The following ARHGAP24 variants were observed in gnomAD, a reference collection of about 807,000 sequenced individuals.
The protein encoded by ARHGAP24 is Rho GTPase activating protein 24, also known as rho GTPase-activating protein 24.
A neutral mutation model predicts 76.4 loss-of-function variants in ARHGAP24; 50 were observed. That is an observed-to-expected ratio of 0.65 (90% CI 0.52 to 0.83). The LOEUF is 0.83. Ranked by LOEUF, ARHGAP24 falls within the 40% of genes least tolerant of loss-of-function variation. ARHGAP24 has a pLI of 0.00. For synonymous variants in ARHGAP24, 345 were observed against 323.3 expected (o/e 1.07, Z -0.72); for missense variants, 930 against 914.2 (o/e 1.02, Z -0.22).
At chr4:85,853,304 G>A (rs1470594021) in intron 3 of ARHGAP24, among the ~76,000 whole-genome samples, 2 of 152,206 alleles carry the variant, frequency 1.3e-5, no homozygotes, top group Non-Finnish European at 2.9e-5. Flanking sequence ...ATAATCTTCT[G>A]GTGTGCCATT....
Position 85,972,031 on chromosome 4 carries a change from C to G in ARHGAP24, c.600-5C>G. The G allele has an allele frequency of 1.2e-6, 2 of 1,613,858 alleles. No homozygotes were observed. The highest frequency in any genetic ancestry group is 1.7e-6 in the Non-Finnish European group (2 of 1,179,920). On this transcript the variant is annotated splice_polypyrimidine_tract_variant and splice_region_variant and intron_variant, in intron 5 of 9. Transcript: ENST00000395184. Reference sequence around the variant, plus strand: ...AAGAATATCTTCACACTTCTGTCTCCACAGCAACACAGATGTACACACGGT... The same window carrying G: ...AAGAATATCTTCACACTTCTGTCTCGACAGCAACACAGATGTACACACGGT...
intron 2 of ARHGAP24, among the ~76,000 whole-genome samples, chr4:85,650,663 T>G (rs4693728): frequency 6.7e-6 from 1 of 148,496 alleles, no homozygotes; most frequent in East Asian, 2.0e-4. Context: ...AGAATGCAAT[T>G]TGTGAATATA....
chr4:85,878,182 T>C lies in ARHGAP24; in HGVS notation c.269-45466T>C, dbSNP rs534860056. On this transcript the variant is annotated intron_variant, in intron 3 of 9. Coordinates refer to ENST00000395184, the MANE Select transcript of ARHGAP24 (RefSeq NM_001025616.3). ...TAGAAAAACAGAGAGTTAGATTAGA[T>C]AGATTAGTTGATAGATGGTGATGAT... Among the ~76,000 whole-genome samples, 9 of 152,238 alleles carry C rather than the reference T, an allele frequency of 5.9e-5. No individual in the cohort carries two copies. The South Asian group carries it at 1.7e-3, about 28-fold the overall frequency.
At chr4:85,565,901 T>C (rs1414777890) in intron 1 of ARHGAP24, among the ~76,000 whole-genome samples, 1 of 152,182 alleles carries the variant, frequency 6.6e-6, no homozygotes, top group Non-Finnish European at 1.5e-5. Flanking sequence ...GGAGCATGAA[T>C]TTCGTCTCTG....
At chr4:85,993,441 A>C (rs1426148789) in intron 8 of ARHGAP24, among the ~76,000 whole-genome samples, 4 of 152,200 alleles carry the variant, frequency 2.6e-5, no homozygotes, top group African/African-American at 9.7e-5. Context: ...ATAAGTTTTG[A>C]ATCATCACAA....
intron 2 of ARHGAP24, among the ~76,000 whole-genome samples, chr4:85,655,534 C>A (rs1242255501): frequency 2.0e-5 from 3 of 151,786 alleles, no homozygotes; most frequent in Non-Finnish European, 4.4e-5. Context: ...GTAACCCCGG[C>A]ACTTTGGGAA....
At chr4:85,556,666 G>T (rs1008865953) in intron 1 of ARHGAP24, among the ~76,000 whole-genome samples, 66 of 152,288 alleles carry the variant, frequency 4.3e-4, no homozygotes, top group Non-Finnish European at 3.4e-4. Context: ...AGGCACTGCC[G>T]AGTGAAGGGT....
chr4:85,504,753 C>A (rs1723968236), intron 1 of ARHGAP24, among the ~76,000 whole-genome samples: 1 of 152,126 alleles, frequency 6.6e-6, no homozygotes, highest in African/African-American at 2.4e-5. Flanking sequence ...TCAATTTGAT[C>A]CTGTCATTAT....
chr4:85,860,887 A>G (rs547647000), intron 3 of ARHGAP24, among the ~76,000 whole-genome samples: 2 of 152,122 alleles, frequency 1.3e-5, no homozygotes, highest in East Asian at 3.9e-4. Context: ...AGAGGAATGC[A>G]TTATGTTTAA....
intron 4 of ARHGAP24, among the ~76,000 whole-genome samples, chr4:85,929,315 T>C (rs1029798594): frequency 6.6e-6 from 1 of 152,238 alleles, no homozygotes; most frequent in African/African-American, 2.4e-5. Context: ...ATTACCTACA[T>C]GGGCATGCTA....
chr4:85,727,407 A>G (rs1158051650), intron 3 of ARHGAP24, among the ~76,000 whole-genome samples: 2 of 152,098 alleles, frequency 1.3e-5, no homozygotes, highest in Non-Finnish European at 1.5e-5. Context: ...ATATAATACA[A>G]ATAGGCACTA....
intron 2 of ARHGAP24, among the ~76,000 whole-genome samples, chr4:85,666,568 ACT>A (rs1560576504): frequency 2.0e-5 from 3 of 152,078 alleles, no homozygotes; most frequent in Non-Finnish European, 4.4e-5. Flanking sequence ...GAGGAGAGGC[ACT>A]CTGCTTGTTA....
rs1491498692 is a variant in ARHGAP24, at chr4:85,973,834, T to TTG, written c.733-1053_733-1052insGT. Among the ~76,000 whole-genome samples, 244 of 24,548 alleles carry TTG rather than the reference T, an allele frequency of 9.9e-3. 6 individuals are homozygous for TTG. The highest frequency in any genetic ancestry group is 0.041 in the African/African-American group (235 of 5,672). 16.1% of individuals were successfully genotyped at this position (24,548 alleles called of 152,430 possible). On this transcript the variant is annotated intron_variant, in intron 6 of 9. Transcript: ENST00000395184. ...TCATGTCAAAAACTGCTGCCTATTGTTTTTTTTTTTTTTTTTTTTTTTTTT... is the reference window on the plus strand; with the variant it reads ...TCATGTCAAAAACTGCTGCCTATTGTTGTTTTTTTTTTTTTTTTTTTTTTTTT...
rs114195214 is a variant in ARHGAP24, at chr4:85,766,681, G to A, written c.268+44709G>A. ...AGATGAAAAATCTGCTGAGGTGAAA[G>A]CATAAATAGGAGGAAATATAAAATT... On this transcript the variant is annotated intron_variant, in intron 3 of 9. Transcript: ENST00000395184. Among the ~76,000 whole-genome samples the A allele has an allele frequency of 2.6e-3, 395 of 152,170 alleles. 3 individuals are homozygous for A. Among genetic ancestry groups the A allele is most frequent in the African/African-American group, 8.9e-3 (368 of 41,524 alleles).
At chr4:85,524,795 TG>T (rs1320673212) in intron 1 of ARHGAP24, among the ~76,000 whole-genome samples, 1 of 152,220 alleles carries the variant, frequency 6.6e-6, no homozygotes, top group Non-Finnish European at 1.5e-5. Flanking sequence ...CCTGAATTAC[TG>T]TAACTGGTGG....
intron 4 of ARHGAP24, among the ~76,000 whole-genome samples, chr4:85,937,326 G>C (rs938783073): frequency 6.6e-6 from 1 of 152,102 alleles, no homozygotes; most frequent in Non-Finnish European, 1.5e-5. Context: ...CCAAAATTAG[G>C]ATTAAAAGAC....
At chr4:85,722,697 C>A (rs1170806091) in intron 3 of ARHGAP24, among the ~76,000 whole-genome samples, 3 of 152,106 alleles carry the variant, frequency 2.0e-5, no homozygotes, top group Non-Finnish European at 4.4e-5. Context: ...TTGATCAATT[C>A]TTCAACTTTT....
chr4:85,640,594 C>T (rs1721484502), intron 2 of ARHGAP24, among the ~76,000 whole-genome samples: 1 of 152,144 alleles, frequency 6.6e-6, no homozygotes, highest in African/African-American at 2.4e-5. Context: ...CTTATTGAAA[C>T]TCTACCAGGT....
At chr4:85,625,678 A>G (rs1401138113) in intron 2 of ARHGAP24, among the ~76,000 whole-genome samples, 1 of 152,016 alleles carries the variant, frequency 6.6e-6, no homozygotes, top group Non-Finnish European at 1.5e-5. Flanking sequence ...GAGTGTTAAA[A>G]TCTCCCATTA....
Sources: gnomAD v4.1 joint callset for allele counts (sites outside exome capture counted in the v4.1 genomes callset) on GRCh38, gnomAD v4.1.1 for gene constraint, MANE v1.5 for transcripts, NCBI Gene and HGNC (gene_info 2026-07-23, HGNC 2026-07-21) for gene names.